Variants in PHF20 observed in about 807,000 individuals in gnomAD.
The protein encoded by PHF20 is glioma-expressed antigen 2.
PHF20 carries 23 observed loss-of-function variants against 113.5 expected under a neutral mutation model. That is an observed-to-expected ratio of 0.20 (90% CI 0.15 to 0.29). The LOEUF (loss-of-function observed/expected upper bound fraction) is 0.29, where lower values mean the gene tolerates loss of function less well. Among genes scored for constraint, PHF20 ranks in the 10% least tolerant of loss-of-function variants. PHF20 has a pLI of 1.00. For synonymous variants in PHF20, 434 were observed against 457.3 expected (o/e 0.95, Z 0.65); for missense variants, 943 against 1,219.6 (o/e 0.77, Z 3.38).
chr20:35,862,895 G>C (rs1364133502), intron 5 of PHF20, 118 bp from the exon 6 acceptor site: 1 of 958,196 alleles, frequency 1.0e-6, no homozygotes, highest in East Asian at 2.4e-5. Context: ...TTGTATATGT[G>C]ATCTGGCGTA....
At chr20:35,939,228 C>G in intron 16 of PHF20, 120 bp downstream of exon 16, 1 of 1,208,036 alleles carries the variant, frequency 8.3e-7, no homozygotes, top group Non-Finnish European at 1.1e-6. Flanking sequence ...ATTTGCTTAC[C>G]ATAGATATGT....
chr20:35,881,559 AAAAG>A (rs2054635283), intron 9 of PHF20, among the ~76,000 whole-genome samples: 1 of 151,788 alleles, frequency 6.6e-6, no homozygotes, highest in Admixed American at 6.6e-5. Flanking sequence ...AAAAAAAAGA[AAAAG>A]AAAAAAATAT....
chr20:35,817,438 C>T (rs956120171), intron 2 of PHF20, among the ~76,000 whole-genome samples: 6 of 150,888 alleles, frequency 4.0e-5, no homozygotes, highest in Non-Finnish European at 5.9e-5. Flanking sequence ...CCACCTGCCT[C>T]GGCCTCCCAA....
intron 5 of PHF20, among the ~76,000 whole-genome samples, chr20:35,859,300 A>T (rs1314434961): frequency 6.6e-6 from 1 of 151,914 alleles, no homozygotes. Flanking sequence ...TTTCTTCATG[A>T]TTTTTCCCCT....
chr20:35,913,229 A>G lies in PHF20; in HGVS notation c.1562-20A>G, dbSNP rs41365845. The stretch of plus-strand genomic sequence containing the variant: ...TTGAAAACAAAATGTTAAAATGCCA[A>G]CATTTGTGTTTAATTCTAGCTACAA... On this transcript the variant is annotated intron_variant, in intron 10 of 17. Coordinates refer to ENST00000374012, the MANE Select transcript of PHF20 (RefSeq NM_016436.5). 0.031 allele frequency: 48,026 copies of G among 1,551,408 alleles called. 1,214 individuals carry two copies. The highest frequency in any genetic ancestry group is 0.13 in the African/African-American group (9,466 of 73,420).
At chr20:35,905,888 G>A (rs897894500) in intron 10 of PHF20, among the ~76,000 whole-genome samples, 3 of 152,200 alleles carry the variant, frequency 2.0e-5, no homozygotes, top group African/African-American at 7.2e-5. Flanking sequence ...TCTCAGCCAA[G>A]CCTTTAGTTG....
At chr20:35,807,000 T>G (rs946797894) in intron 2 of PHF20, among the ~76,000 whole-genome samples, 2 of 151,952 alleles carry the variant, frequency 1.3e-5, no homozygotes, top group Admixed American at 1.3e-4. Flanking sequence ...TTTCACTGTG[T>G]TAGCCAGGAT....
At chr20:35,875,653 T>C (rs2054508709) in intron 9 of PHF20, among the ~76,000 whole-genome samples, 1 of 152,146 alleles carries the variant, frequency 6.6e-6, no homozygotes, top group African/African-American at 2.4e-5. Flanking sequence ...AAATTTAATC[T>C]CGGAATTTAG....
chr20:35,806,398 T>C (rs1273266022), intron 2 of PHF20, among the ~76,000 whole-genome samples: 1 of 151,436 alleles, frequency 6.6e-6, no homozygotes, highest in African/African-American at 2.4e-5. Context: ...TGACCTCAAG[T>C]GTTTCACCTG....
intron 6 of PHF20, among the ~76,000 whole-genome samples, chr20:35,865,891 T>C (rs1026465644): frequency 2.0e-5 from 3 of 152,014 alleles, no homozygotes; most frequent in African/African-American, 7.2e-5. Context: ...CTGGCCAACA[T>C]GGTGAAATCC....
chr20:35,773,605 CTCT>C (rs2041109511), intron 1 of PHF20, among the ~76,000 whole-genome samples: 1 of 152,160 alleles, frequency 6.6e-6, no homozygotes, highest in Non-Finnish European at 1.5e-5. Flanking sequence ...CTAGCAGGAT[CTCT>C]TCTCTCTTGG....
At chr20:35,890,209 C>T (rs950588060) in intron 9 of PHF20, among the ~76,000 whole-genome samples, 4 of 149,324 alleles carry the variant, frequency 2.7e-5, no homozygotes, top group African/African-American at 9.9e-5. Flanking sequence ...TGTATTTTTT[C>T]GTAGAGATGG....
chr20:35,786,139 A>G (rs1048951747), intron 1 of PHF20, among the ~76,000 whole-genome samples: 4 of 152,204 alleles, frequency 2.6e-5, no homozygotes, highest in Admixed American at 6.6e-5. Context: ...CTGTAATCCC[A>G]GCACTTTGGG....
chr20:35,932,283 G>T (rs957854624), intron 15 of PHF20, among the ~76,000 whole-genome samples: 2 of 151,590 alleles, frequency 1.3e-5, no homozygotes, highest in African/African-American at 2.4e-5. Flanking sequence ...TGGCCAGGCT[G>T]GTCTTGAACT....
chr20:35,846,791 T>C (rs2042632976), intron 3 of PHF20, among the ~76,000 whole-genome samples: 1 of 152,204 alleles, frequency 6.6e-6, no homozygotes, highest in African/African-American at 2.4e-5. Flanking sequence ...CTTAGTCTTT[T>C]CTGTGTTGCT....
intron 2 of PHF20, among the ~76,000 whole-genome samples, chr20:35,814,835 T>C (rs1490070798): frequency 7.5e-6 from 1 of 133,322 alleles, no homozygotes. Flanking sequence ...ATCCCGCCAC[T>C]GCACTCCAGC....
At chr20:35,808,113 T>C (rs2041916186) in intron 2 of PHF20, among the ~76,000 whole-genome samples, 1 of 152,178 alleles carries the variant, frequency 6.6e-6, no homozygotes, top group South Asian at 2.1e-4. Flanking sequence ...CACAGAAACC[T>C]TTCTCCATTT....
intron 15 of PHF20, among the ~76,000 whole-genome samples, chr20:35,934,175 T>C (rs961792440): frequency 2.0e-5 from 3 of 151,982 alleles, no homozygotes; most frequent in African/African-American, 7.3e-5. Context: ...CAGAGTGGAG[T>C]ATCAGGACCC....
intron 5 of PHF20, 140 bp downstream of exon 5, chr20:35,858,521 A>G: frequency 1.8e-6 from 1 of 547,972 alleles, no homozygotes; most frequent in Non-Finnish European, 3.2e-6. Flanking sequence ...AGAAAATAAT[A>G]CACAAGTTTT....
Sources: gnomAD v4.1 joint callset for allele counts (sites outside exome capture counted in the v4.1 genomes callset) on GRCh38, gnomAD v4.1.1 for gene constraint, MANE v1.5 for transcripts, NCBI Gene and HGNC (gene_info 2026-07-23, HGNC 2026-07-21) for gene names.